USH2A: variants seen among roughly 807,000 people sequenced by gnomAD.
USH2A encodes usherin.
In USH2A, 443 loss-of-function variants were observed where a neutral mutation model predicts 538.9. The ratio of observed to expected loss-of-function variants is 0.82; its 90% CI spans 0.76 to 0.89. The LOEUF (loss-of-function observed/expected upper bound fraction) is 0.89, where lower values mean the gene tolerates loss of function less well. Among genes scored for constraint, USH2A ranks in the 40% least tolerant of loss-of-function variants. The probability of loss-of-function intolerance (pLI) is 0.00; values close to 1 mark genes in which losing one functional copy is unlikely to be tolerated. For missense variants in USH2A, 6,633 were observed against 6,324.8 expected (o/e 1.05, Z -1.65); for synonymous variants, 2,413 against 2,273.5 (o/e 1.06, Z -1.75).
At chr1:215,800,135 T>C (rs572407555) in intron 49 of USH2A, among the ~76,000 whole-genome samples, 30 of 152,304 alleles carry the variant, frequency 2.0e-4, no homozygotes, top group Non-Finnish European at 4.1e-4. Context: ...GAAGATTTTG[T>C]AAATGGCTTC....
At chr1:216,293,524 T>C (rs2037047958) in intron 9 of USH2A, among the ~76,000 whole-genome samples, 1 of 152,230 alleles carries the variant, frequency 6.6e-6, no homozygotes, top group African/African-American at 2.4e-5. Flanking sequence ...AAGTTCACCT[T>C]CACTAAGTAG....
In USH2A at chr1:216,171,459, G is replaced by A. The variant is rs138820606; in HGVS notation, c.4627+3793C>T. Among the ~76,000 whole-genome samples, 215 of 152,018 alleles carry A rather than the reference G, an allele frequency of 1.4e-3. 1 individual carries two copies. Among genetic ancestry groups the A allele is most frequent in the Middle Eastern group, 0.01 (3 of 294 alleles). On this transcript the variant is annotated intron_variant, in intron 21 of 71. Transcript: ENST00000307340. The stretch of plus-strand genomic sequence containing the variant: ...AATATTGCATATTACTCATGCCCTA[G>A]ATATAACATTTGAGCAAACATATTT...
chr1:216,238,707 A>G (rs1053080721), intron 13 of USH2A, among the ~76,000 whole-genome samples: 2 of 152,238 alleles, frequency 1.3e-5, no homozygotes, highest in African/African-American at 2.4e-5. Context: ...TTAATAATAC[A>G]TGAGGTTTCA....
At chr1:216,099,363 G>A (rs2102574982) in intron 21 of USH2A, among the ~76,000 whole-genome samples, 1 of 152,198 alleles carries the variant, frequency 6.6e-6, no homozygotes, top group African/African-American at 2.4e-5. Flanking sequence ...CTTTTCAGTA[G>A]TCAAACACAC....
rs1553250774 is a variant in USH2A at position 216,325,306 on chromosome 1, T to C, written c.1142A>G (p.Gln381Arg). ...GTACACCTTATCGTTTCTCATTACC[T>C]GATACTGTCCATTTTCCAAATCAAC... is the stretch of plus-strand genomic sequence containing the variant. ...ISVDLENGQY[Q>R]VFYIIIQFFS... The change falls in exon 6 of 72, where the codon CAG becomes CGG. Residue 381 changes from glutamine (Q) to arginine (R), a missense_variant and splice_region_variant. Physicochemically the swap from Gln to Arg is conservative, Grantham distance 43 (BLOSUM62 1). Transcript: ENST00000307340. 6.2e-7 allele frequency: 1 copy of C among 1,613,680 alleles called. No individual in the cohort carries two copies. Among genetic ancestry groups the C allele is most frequent in the Non-Finnish European group, 8.5e-7 (1 of 1,179,808 alleles).
intron 41 of USH2A, among the ~76,000 whole-genome samples, chr1:215,885,603 T>C (rs1168668674): frequency 6.6e-6 from 1 of 152,226 alleles, no homozygotes; most frequent in Non-Finnish European, 1.5e-5. Flanking sequence ...AAATAAGATT[T>C]TAAGCATATT....
intron 61 of USH2A, among the ~76,000 whole-genome samples, chr1:215,722,886 T>A (rs1659703886): frequency 6.6e-6 from 1 of 152,114 alleles, no homozygotes. Flanking sequence ...AATCCCAAAT[T>A]ATCAGATTTA....
intron 11 of USH2A, among the ~76,000 whole-genome samples, chr1:216,274,131 A>T (rs2036625530): frequency 6.6e-6 from 1 of 152,076 alleles, no homozygotes; most frequent in Non-Finnish European, 1.5e-5. Flanking sequence ...CACCAAGTCA[A>T]TCAATTCACA....
At chr1:215,640,798 T>C in intron 67 of USH2A, 64 bp from the exon 68 acceptor site, 2 of 1,475,566 alleles carry the variant, frequency 1.4e-6, no homozygotes, top group Non-Finnish European at 9.2e-7. Context: ...AGGTGTGCAC[T>C]TTAAAAAAAA....
chr1:216,112,780 T>C (rs991794407), intron 21 of USH2A, among the ~76,000 whole-genome samples: 4 of 152,110 alleles, frequency 2.6e-5, no homozygotes, highest in Admixed American at 1.3e-4. Flanking sequence ...GCAAAAGACA[T>C]GATCTTGTTT....
chr1:216,000,662 T>C, intron 32 of USH2A, 100 bp from the exon 33 acceptor site: 1 of 1,439,156 alleles, frequency 6.9e-7, no homozygotes, highest in Non-Finnish European at 9.7e-7. Flanking sequence ...ATTGTTAAGA[T>C]AAGGCTTAAA....
At chr1:216,221,511 T>C (rs2035457870) in intron 14 of USH2A, among the ~76,000 whole-genome samples, 2 of 152,204 alleles carry the variant, frequency 1.3e-5, no homozygotes, top group South Asian at 4.1e-4. Context: ...CTGTGTGAAC[T>C]GAAAGCCATA....
chr1:215,803,678 G>A (rs1662406298), intron 49 of USH2A, among the ~76,000 whole-genome samples: 1 of 152,124 alleles, frequency 6.6e-6, no homozygotes, highest in South Asian at 2.1e-4. Context: ...TGGGTAGGAA[G>A]AATCAATATC....
intron 4 of USH2A, among the ~76,000 whole-genome samples, chr1:216,334,729 C>G (rs1020168508): frequency 6.6e-6 from 1 of 151,626 alleles, no homozygotes; most frequent in Non-Finnish European, 1.5e-5. Flanking sequence ...TTAGTAGAGA[C>G]AAGAATATTT....
At chr1:215,890,472 C>G (rs977326491) in intron 40 of USH2A, among the ~76,000 whole-genome samples, 1 of 152,130 alleles carries the variant, frequency 6.6e-6, no homozygotes, top group Non-Finnish European at 1.5e-5. Flanking sequence ...ATCATAATCA[C>G]TTTTCGAAGC....
intron 64 of USH2A, among the ~76,000 whole-genome samples, chr1:215,654,963 G>T (rs1379161633): frequency 6.6e-6 from 1 of 152,158 alleles, no homozygotes; most frequent in Non-Finnish European, 1.5e-5. Context: ...TAATCACATT[G>T]CTGTGAAAAC....
chr1:216,231,494 G>A (rs1296621621), intron 14 of USH2A, among the ~76,000 whole-genome samples: 3 of 150,472 alleles, frequency 2.0e-5, no homozygotes, highest in African/African-American at 7.3e-5. Context: ...TCAAAGATTA[G>A]CATACATTAA....
intron 11 of USH2A, among the ~76,000 whole-genome samples, chr1:216,282,541 A>G (rs1236447003): frequency 1.3e-5 from 2 of 152,230 alleles, no homozygotes; most frequent in Admixed American, 6.5e-5. Context: ...GACTATAAAT[A>G]TGAGGGCTTA....
At chr1:215,798,882 T>C in intron 50 of USH2A, 25 bp downstream of exon 50, 1 of 1,613,286 alleles carries the variant, frequency 6.2e-7, no homozygotes, top group Non-Finnish European at 8.5e-7. Context: ...CTCCATCTAC[T>C]GAAAGGTAGA....
Sources: gnomAD v4.1 joint callset for allele counts (sites outside exome capture counted in the v4.1 genomes callset) on GRCh38, gnomAD v4.1.1 for gene constraint, MANE v1.5 for transcripts, NCBI Gene and HGNC (gene_info 2026-07-23, HGNC 2026-07-21) for gene names.